Variants in TBP observed in about 807,000 individuals in gnomAD.
TBP encodes TATA-box-binding protein.
TBP carries 12 observed loss-of-function variants against 46.2 expected under a neutral mutation model. The ratio of observed to expected loss-of-function variants is 0.26; its 90% confidence interval spans 0.17 to 0.42. The LOEUF (loss-of-function observed/expected upper bound fraction) is 0.42. TBP is among the 10% of genes least tolerant of loss of function. The pLI, the probability that TBP is intolerant of heterozygous loss-of-function variation, is 1.00. For missense variants in TBP, 229 were observed against 403.1 expected (o/e 0.57, Z 3.70); for synonymous variants, 157 against 148.3 (o/e 1.06, Z -0.42).
intron 3 of TBP, among the ~76,000 whole-genome samples, chr6:170,562,835 G>C (rs528846268): frequency 5.3e-5 from 8 of 152,306 alleles, no homozygotes; most frequent in African/African-American, 1.9e-4. Flanking sequence ...TCAATAAGAA[G>C]TGTATAGCTT....
At position 170,564,643 on chromosome 6, in the gene TBP, T is replaced by C. The variant is rs755210619; in HGVS notation, c.585+11T>C. The stretch of plus-strand genomic sequence containing the variant: ...GAATATAATCCCAAGGTTAGATCTA[T>C]TTTAATGTATTTCTTTTTTTTTTCT... On this transcript the variant is annotated intron_variant, in intron 4 of 7. Coordinates refer to ENST00000392092, the MANE Select transcript of TBP (RefSeq NM_003194.5). 6.4e-7 allele frequency: 1 copy of C among 1,572,794 alleles called. No individual in the cohort carries two copies. Among genetic ancestry groups the C allele is most frequent in the Admixed American group, 1.8e-5 (1 of 55,534 alleles).
chr6:170,563,293 C>T (rs1779183019), intron 3 of TBP, among the ~76,000 whole-genome samples: 1 of 152,116 alleles, frequency 6.6e-6, no homozygotes, highest in South Asian at 2.1e-4. Context: ...TTGCGAGTGC[C>T]TTTGCTGTTC....
intron 6 of TBP, among the ~76,000 whole-genome samples, chr6:170,570,550 A>G (rs1400167440): frequency 6.6e-6 from 1 of 152,144 alleles, no homozygotes; most frequent in African/African-American, 2.4e-5. Context: ...AATATGTACC[A>G]GGCCTGGCCT....
chr6:170,571,366 C>T (rs1779363522), intron 6 of TBP, 44 bp from the exon 7 acceptor site: 1 of 1,424,590 alleles, frequency 7.0e-7, no homozygotes, highest in Non-Finnish European at 9.8e-7. Context: ...TCTAAAAGCA[C>T]ACAAAGCTCT....
chr6:170,555,493 T>C (rs1366469699), intron 1 of TBP, among the ~76,000 whole-genome samples: 2 of 152,228 alleles, frequency 1.3e-5, no homozygotes, highest in Non-Finnish European at 2.9e-5. Context: ...ACAGTCATAC[T>C]AAGCTTGTTG....
At position 170,562,120 on chromosome 6, in the gene TBP, A is replaced by C; in HGVS notation, c.384A>C (p.Thr128=). ...AGCTCTTCCACTCACAGACTCTCAC[A>C]ACTGCACCCTTGCCGGGCACCACTC... is the stretch of plus-strand genomic sequence containing the variant. ...APQLFHSQTL[T]TAPLPGTTPL... is the part of the protein sequence containing the mutation. The change falls in exon 3 of 8, where the codon ACA becomes ACC. Residue 128 remains threonine (T), a synonymous_variant. Coordinates refer to ENST00000392092, the MANE Select transcript of TBP (RefSeq NM_003194.5). 6.2e-7 allele frequency: 1 copy of C among 1,614,002 alleles called. No homozygotes were observed. Among genetic ancestry groups the C allele is most frequent in the South Asian group, 1.1e-5 (1 of 91,072 alleles).
intron 6 of TBP, 94 bp from the exon 7 acceptor site, chr6:170,571,312 AGTTT>A (rs1459033033): frequency 2.6e-6 from 2 of 769,360 alleles, no homozygotes; most frequent in African/African-American, 1.8e-5. Flanking sequence ...CCTCTTGACT[AGTTT>A]GTTTATTCAG....
rs1280689360 is a variant in TBP, at chr6:170,566,857, C to T, written c.586-61C>T. 1.1e-5 allele frequency: 16 copies of T among 1,474,892 alleles called. No individual in the cohort carries two copies. In the South Asian group the frequency reaches 1.3e-4, roughly 12 times the overall value. The allele number at this position is 1,474,892 out of a possible 1,614,324, so 91.4% of individuals were successfully genotyped here. A position where few individuals can be genotyped will look rare whatever the true frequency, so the allele number is the denominator to read the frequency against. On this transcript the variant is annotated intron_variant, in intron 4 of 7. Coordinates refer to ENST00000392092, the MANE Select transcript of TBP (RefSeq NM_003194.5). ...GTGATTTTTTTGTCAATGGGTGGTTCGCCTAACAACATTGAGCAGTTTGGC... is the reference window on the plus strand; with the variant it reads ...GTGATTTTTTTGTCAATGGGTGGTTTGCCTAACAACATTGAGCAGTTTGGC...
intron 3 of TBP, among the ~76,000 whole-genome samples, chr6:170,564,249 TCCACTTGGGAG>T (rs1779201580): frequency 6.6e-6 from 1 of 152,212 alleles, no homozygotes; most frequent in Non-Finnish European, 1.5e-5. Context: ...TCCTGGCTCC[TCCACTTGGGAG>T]CCATTGCGTC....
chr6:170,567,645 T>C (rs1432314598), intron 5 of TBP: 1 of 152,246 alleles, frequency 6.6e-6, no homozygotes, highest in Non-Finnish European at 1.5e-5. Flanking sequence ...GTGTAAGGGC[T>C]TTGCAGACCT....
chr6:170,569,705 T>C lies in TBP; in HGVS notation c.771T>C (p.Asn257=), dbSNP rs1042327. Residue 257 remains asparagine, a synonymous_variant, in exon 6 of 8, where the codon AAT becomes AAC. Coordinates refer to ENST00000392092, the MANE Select transcript of TBP (RefSeq NM_003194.5). Reference sequence around the variant, plus strand: ...AGTTCTTGGACTTCAAGATTCAGAATATGGTGGGGAGCTGTGATGTGAAGT... The same window carrying C: ...AGTTCTTGGACTTCAAGATTCAGAACATGGTGGGGAGCTGTGATGTGAAGT... ...PAKFLDFKIQ[N]MVGSCDVKFP... is the part of the protein sequence containing the mutation. 831,095 of 1,613,554 alleles carry C rather than the reference T, an allele frequency of 0.52. 217,272 individuals are homozygous for C. Among genetic ancestry groups the C allele is most frequent in the East Asian group, 0.79 (35,479 of 44,856 alleles).
At chr6:170,567,214 C>T (rs1779271796) in intron 5 of TBP, 1 of 199,878 alleles carries the variant, frequency 5.0e-6, no homozygotes. Flanking sequence ...ATTTCATTTT[C>T]TTAAAAATTA....
intron 1 of TBP, among the ~76,000 whole-genome samples, chr6:170,555,369 C>G (rs892585396): frequency 6.6e-6 from 1 of 152,216 alleles, no homozygotes; most frequent in African/African-American, 2.4e-5. Context: ...TCTGTTCATA[C>G]TGCACTTCCG....
rs536230188 is a variant in TBP at position 170,566,172 on chromosome 6, A to G, written c.586-746A>G. Among the ~76,000 whole-genome samples, 5 of 152,318 alleles carry G rather than the reference A, an allele frequency of 3.3e-5. No individual in the cohort carries two copies. In the East Asian group the frequency reaches 9.6e-4, roughly 29 times the overall value. ...TTAGAAACATGTAGGTTTTTATTGT[A>G]TAATTAAATGTATTAAAATATTTAA... On this transcript the variant is annotated intron_variant, in intron 4 of 7. Coordinates refer to ENST00000392092, the MANE Select transcript of TBP (RefSeq NM_003194.5).
chr6:170,569,093 C>T (rs1159058798), intron 5 of TBP, among the ~76,000 whole-genome samples: 3 of 151,422 alleles, frequency 2.0e-5, no homozygotes, highest in African/African-American at 2.4e-5. Flanking sequence ...GGATTAGAGG[C>T]GTGAGCCACC....
intron 1 of TBP, among the ~76,000 whole-genome samples, chr6:170,554,961 A>G (rs548508995): frequency 6.6e-6 from 1 of 152,326 alleles, no homozygotes; most frequent in East Asian, 1.9e-4. Context: ...CTCTCGGTTC[A>G]GGCCATCATG....
intron 1 of TBP, among the ~76,000 whole-genome samples, chr6:170,555,941 CA>C (rs530726853): frequency 3.7e-4 from 55 of 150,446 alleles, no homozygotes; most frequent in African/African-American, 5.6e-4. Flanking sequence ...GGATAACTGT[CA>C]AAAAAAAAGT....
intron 2 of TBP, among the ~76,000 whole-genome samples, chr6:170,560,019 T>A (rs1779112349): frequency 6.6e-6 from 1 of 152,348 alleles, no homozygotes; most frequent in East Asian, 1.9e-4. Flanking sequence ...TATTTTAAGC[T>A]CTTTGAGATC....
intron 2 of TBP, among the ~76,000 whole-genome samples, chr6:170,560,189 CT>C (rs1779115086): frequency 6.6e-6 from 1 of 152,184 alleles, no homozygotes; most frequent in Non-Finnish European, 1.5e-5. Flanking sequence ...GTAATTTCAA[CT>C]TTCAATTCTT....
Sources: allele counts gnomAD v4.1 joint callset (sites outside exome capture counted in the v4.1 genomes callset), GRCh38; gene constraint gnomAD v4.1.1; transcripts MANE v1.5; gene names NCBI Gene and HGNC (gene_info 2026-07-23, HGNC 2026-07-21).